CACHD1: variants seen among roughly 807,000 people sequenced by gnomAD.
The protein encoded by CACHD1 is VWFA and cache domain-containing protein 1.
In CACHD1, 71 loss-of-function variants were observed where a neutral mutation model predicts 138.7. The ratio of observed to expected loss-of-function variants is 0.51; its 90% CI spans 0.42 to 0.62. The LOEUF (loss-of-function observed/expected upper bound fraction) is 0.62, where lower values mean the gene tolerates loss of function less well. Ranked by LOEUF, CACHD1 falls within the 20% of genes least tolerant of loss-of-function variation. The pLI, the probability that CACHD1 is intolerant of heterozygous loss-of-function variation, is 0.00. For missense variants in CACHD1, 1,389 were observed against 1,625.3 expected (o/e 0.85, Z 2.50); for synonymous variants, 578 against 591.5 (o/e 0.98, Z 0.33).
At chr1:64,630,127 T>C (rs1016999115) in intron 5 of CACHD1, among the ~76,000 whole-genome samples, 2 of 152,166 alleles carry the variant, frequency 1.3e-5, no homozygotes, top group African/African-American at 4.8e-5. Context: ...CAGTTTCCTG[T>C]TTGCAGTGTT....
intron 3 of CACHD1, among the ~76,000 whole-genome samples, chr1:64,583,564 A>G (rs760655851): frequency 5.3e-5 from 8 of 152,224 alleles, no homozygotes; most frequent in Non-Finnish European, 1.0e-4. Context: ...AATATTGCAT[A>G]TTTGTATACC....
At chr1:64,625,336 A>G (rs1648057714) in intron 4 of CACHD1, among the ~76,000 whole-genome samples, 1 of 152,102 alleles carries the variant, frequency 6.6e-6, no homozygotes, top group Admixed American at 6.5e-5. Context: ...ATGAGAAATT[A>G]CCTAGTGGGG....
At chr1:64,575,690 C>T (rs1646961640) in intron 2 of CACHD1, among the ~76,000 whole-genome samples, 1 of 152,124 alleles carries the variant, frequency 6.6e-6, no homozygotes. Context: ...TGCCTGTCAG[C>T]TTCATTGTTA....
intron 1 of CACHD1, among the ~76,000 whole-genome samples, chr1:64,481,865 T>C (rs1435317724): frequency 6.6e-6 from 1 of 152,204 alleles, no homozygotes; most frequent in African/African-American, 2.4e-5. Flanking sequence ...TCTGCTTGAC[T>C]CTATATATAA....
chr1:64,522,750 GC>G (rs1420738944), intron 1 of CACHD1, among the ~76,000 whole-genome samples: 1 of 152,132 alleles, frequency 6.6e-6, no homozygotes, highest in African/African-American at 2.4e-5. Flanking sequence ...TGAGGCATAG[GC>G]AAAATTTAGT....
At chr1:64,488,269 A>C (rs1475750682) in intron 1 of CACHD1, among the ~76,000 whole-genome samples, 1 of 152,244 alleles carries the variant, frequency 6.6e-6, no homozygotes, top group Non-Finnish European at 1.5e-5. Flanking sequence ...TCATTATGAC[A>C]TAGTAAAATA....
chr1:64,588,988 G>T (rs1436749), intron 3 of CACHD1, among the ~76,000 whole-genome samples: 54,081 of 152,074 alleles, frequency 0.36, 11,469 homozygotes, highest in African/African-American at 0.59. Context: ...ATGAGCAAAT[G>T]GATGCTCTGA....
chr1:64,580,470 A>G (rs1268521248), intron 2 of CACHD1, among the ~76,000 whole-genome samples: 3 of 152,190 alleles, frequency 2.0e-5, no homozygotes, highest in Non-Finnish European at 2.9e-5. Flanking sequence ...GAAAAAATAA[A>G]TTGGTCAGAA....
chr1:64,646,036 C>T (rs760323983), intron 8 of CACHD1, among the ~76,000 whole-genome samples: 1 of 152,216 alleles, frequency 6.6e-6, no homozygotes, highest in Non-Finnish European at 1.5e-5. Flanking sequence ...GCCATCCCTA[C>T]ATAACATCTC....
chr1:64,659,811 C>G (rs1192453712), intron 13 of CACHD1, among the ~76,000 whole-genome samples: 1 of 152,220 alleles, frequency 6.6e-6, no homozygotes, highest in Non-Finnish European at 1.5e-5. Context: ...CATCACACAA[C>G]TGGCCAACTG....
intron 2 of CACHD1, among the ~76,000 whole-genome samples, chr1:64,577,974 C>T (rs905811221): frequency 2.0e-5 from 3 of 152,208 alleles, no homozygotes; most frequent in African/African-American, 4.8e-5. Flanking sequence ...CAGGGCTGCT[C>T]TCCCATCAAC....
intron 2 of CACHD1, among the ~76,000 whole-genome samples, chr1:64,561,794 G>C (rs117604013): frequency 0.031 from 4,521 of 147,854 alleles, 109 homozygotes; most frequent in South Asian, 0.11. Context: ...GGAGGTTGAG[G>C]CTACAGTGAA....
chr1:64,597,253 CT>C (rs1647160756), intron 3 of CACHD1, among the ~76,000 whole-genome samples: 1 of 152,078 alleles, frequency 6.6e-6, no homozygotes, highest in African/African-American at 2.4e-5. Context: ...TTTATTTTAT[CT>C]TCTACATTTG....
rs151267822 is a variant in CACHD1 at position 64,535,368 on chromosome 1, C to T, written c.199-15226C>T. On this transcript the variant is annotated intron_variant, in intron 1 of 26. Transcript: ENST00000651257. ...GAGATAGAGTTTTGCTCTTGTTGCC[C>T]GGGCTGGAGTGCAATGGCATGATCT... Among the ~76,000 whole-genome samples, 465 of 149,084 alleles carry T rather than the reference C, an allele frequency of 3.1e-3. 2 individuals carry two copies. Among genetic ancestry groups the T allele is most frequent in the African/African-American group, 0.011 (436 of 39,540 alleles).
At chr1:64,534,381 G>A (rs915602100) in intron 1 of CACHD1, among the ~76,000 whole-genome samples, 1 of 152,132 alleles carries the variant, frequency 6.6e-6, no homozygotes, top group Non-Finnish European at 1.5e-5. Flanking sequence ...ATCTCTGACT[G>A]TGTGTAAAAT....
intron 22 of CACHD1, 34 bp downstream of exon 22, chr1:64,677,045 C>T (rs1286800002): frequency 2.7e-6 from 4 of 1,479,764 alleles, no homozygotes; most frequent in Non-Finnish European, 3.8e-6. Flanking sequence ...TGAGGTTTTC[C>T]AGCTAATATT....
intron 3 of CACHD1, among the ~76,000 whole-genome samples, chr1:64,586,711 T>C (rs530520772): frequency 1.3e-5 from 2 of 152,300 alleles, no homozygotes; most frequent in Non-Finnish European, 2.9e-5. Flanking sequence ...ACTTCAATAT[T>C]TACTATGTCA....
intron 1 of CACHD1, among the ~76,000 whole-genome samples, chr1:64,502,577 T>C (rs956160993): frequency 1.3e-5 from 2 of 151,928 alleles, no homozygotes; most frequent in Non-Finnish European, 2.9e-5. Context: ...TGTGCATGTG[T>C]GTTGTTTTCA....
At chr1:64,499,555 C>T (rs954739605) in intron 1 of CACHD1, among the ~76,000 whole-genome samples, 7 of 152,170 alleles carry the variant, frequency 4.6e-5, no homozygotes, top group Non-Finnish European at 8.8e-5. Context: ...TTCAAGGAGT[C>T]CGTGAACTTG....
Sources: allele counts gnomAD v4.1 joint callset (sites outside exome capture counted in the v4.1 genomes callset), GRCh38; gene constraint gnomAD v4.1.1; transcripts MANE v1.5; gene names NCBI Gene and HGNC (gene_info 2026-07-23, HGNC 2026-07-21).